The following ARID2 variants were observed in gnomAD, a reference collection of about 807,000 sequenced individuals.
The protein encoded by ARID2 is AT-rich interactive domain-containing protein 2.
A neutral mutation model predicts 184.6 loss-of-function variants in ARID2; 32 were observed. That is an observed-to-expected ratio of 0.17 (90% CI 0.13 to 0.23). The LOEUF is 0.23. Ranked by LOEUF, ARID2 falls within the 10% of genes least tolerant of loss-of-function variation. The probability of loss-of-function intolerance (pLI) is 1.00; values close to 1 mark genes in which losing one functional copy is unlikely to be tolerated. For synonymous variants in ARID2, 836 were observed against 772.6 expected (o/e 1.08, Z -1.36); for missense variants, 1,696 against 2,197.6 (o/e 0.77, Z 4.56).
intron 6 of ARID2, among the ~76,000 whole-genome samples, chr12:45,833,125 C>G (rs571182321): frequency 6.6e-6 from 1 of 152,262 alleles, no homozygotes; most frequent in Non-Finnish European, 1.5e-5. Context: ...TCTAGTTAAG[C>G]AAATCTTGTA....
intron 3 of ARID2, among the ~76,000 whole-genome samples, chr12:45,791,479 G>A (rs1942288559): frequency 1.3e-5 from 2 of 152,002 alleles, no homozygotes; most frequent in African/African-American, 4.8e-5. Context: ...TGTTTACAGT[G>A]TTACAACTGT....
Position 45,731,251 on chromosome 12 carries a change from A to C in ARID2, c.221A>C (p.Glu74Ala), listed in dbSNP as rs200127181. The C allele has an allele frequency of 1.2e-6, 2 of 1,614,020 alleles. No individual in the cohort carries two copies. The highest frequency in any genetic ancestry group is 2.7e-5 in the African/African-American group (2 of 75,030). Residue 74 changes from glutamate (E) to alanine (A), a missense_variant, in exon 3 of 21, where the codon GAA becomes GCA. By Grantham distance (107) the Glu-to-Ala change is moderately radical. Transcript: ENST00000334344. ...SEKNQWGEIV[E>A]EFNFPRSCSN... Reference sequence around the variant, plus strand: ...AAGAATCAGTGGGGAGAAATTGTTGAAGAGTTCAACTTTCCCAGAAGTTGT... The same window carrying C: ...AAGAATCAGTGGGGAGAAATTGTTGCAGAGTTCAACTTTCCCAGAAGTTGT...
chr12:45,741,395 GC>G (rs1271472967), intron 3 of ARID2, among the ~76,000 whole-genome samples: 1 of 152,060 alleles, frequency 6.6e-6, no homozygotes, highest in Non-Finnish European at 1.5e-5. Flanking sequence ...ATAGGGTTGT[GC>G]CATTTTGCTC....
At chr12:45,889,630 G>A (rs543641401) in intron 16 of ARID2, among the ~76,000 whole-genome samples, 11 of 152,214 alleles carry the variant, frequency 7.2e-5, no homozygotes, top group African/African-American at 1.4e-4. Context: ...AATATTACAC[G>A]TAAACTTTTA....
At chr12:45,841,927 T>C (rs1943348223) in intron 11 of ARID2, 1 of 152,162 alleles carries the variant, frequency 6.6e-6, no homozygotes, top group African/African-American at 2.4e-5. Flanking sequence ...TTTAAAGTTT[T>C]TCAATTCCTT....
intron 6 of ARID2, among the ~76,000 whole-genome samples, chr12:45,822,594 G>GT (rs1198509454): frequency 6.6e-6 from 1 of 151,990 alleles, no homozygotes; most frequent in Non-Finnish European, 1.5e-5. Context: ...ATAGCATGGT[G>GT]TTTTAGGGAA....
intron 3 of ARID2, among the ~76,000 whole-genome samples, chr12:45,800,970 A>G (rs1942486806): frequency 6.6e-6 from 1 of 152,120 alleles, no homozygotes; most frequent in Non-Finnish European, 1.5e-5. Flanking sequence ...AATAAACGAG[A>G]GAGGATGGAA....
intron 3 of ARID2, among the ~76,000 whole-genome samples, chr12:45,775,069 G>T (rs1314948471): frequency 6.6e-6 from 1 of 152,132 alleles, no homozygotes; most frequent in Non-Finnish European, 1.5e-5. Context: ...TATCCAGCCT[G>T]AAATGTTAAT....
intron 3 of ARID2, among the ~76,000 whole-genome samples, chr12:45,739,658 T>C (rs989564391): frequency 4.7e-4 from 72 of 152,030 alleles, no homozygotes; most frequent in African/African-American, 1.7e-3. Context: ...CAGTAGTCAA[T>C]TGCTGTGTGC....
At position 45,851,777 on chromosome 12, in the gene ARID2, A is replaced by G. The variant is rs2138173629; in HGVS notation, c.3654A>G (p.Pro1218=). The change falls in exon 15 of 21, where the codon CCA becomes CCG. Residue 1218 remains proline, a synonymous_variant. Coordinates refer to ENST00000334344, the MANE Select transcript of ARID2 (RefSeq NM_152641.4). ...TGVGLPVQTL[P]ATQASPAGQS... ...TTGGACTTCCAGTACAAACGCTTCC[A>G]GCCACTCAAGCATCTCCTGCTGGAC... The G allele has an allele frequency of 1.2e-6, 2 of 1,614,130 alleles. No homozygotes were observed. Among genetic ancestry groups the G allele is most frequent in the Non-Finnish European group, 1.7e-6 (2 of 1,180,006 alleles).
At position 45,906,035 on chromosome 12, in the gene ARID2, TAGA is replaced by T. The variant is rs1343539812; in HGVS notation, c.*962_*964del. On this transcript the variant is annotated 3_prime_UTR_variant, in exon 21 of 21. Transcript: ENST00000334344. ...GAATAATATATCTCATGTCATTTTTTAGAAGAAAAACTATTTGAAGGTATTTTT... is the reference window on the plus strand; with the variant it reads ...GAATAATATATCTCATGTCATTTTTTAGAAAAACTATTTGAAGGTATTTTT... The T allele has an allele frequency of 4.3e-6, 1 of 232,208 alleles. No individual in the cohort carries two copies. Among genetic ancestry groups the T allele is most frequent in the Non-Finnish European group, 8.5e-6 (1 of 117,548 alleles). The allele number at this position is 232,208 out of a possible 1,614,324, so 14.4% of individuals were successfully genotyped here. A position where few individuals can be genotyped will look rare whatever the true frequency, so the allele number is the denominator to read the frequency against.
chr12:45,841,942 T>C (rs1320909567), intron 11 of ARID2: 1 of 152,138 alleles, frequency 6.6e-6, no homozygotes, highest in East Asian at 1.9e-4. Flanking sequence ...TTCCTTGTTA[T>C]TCTTTAAAGC....
chr12:45,753,316 T>G (rs1217704410), intron 3 of ARID2, among the ~76,000 whole-genome samples: 1 of 151,708 alleles, frequency 6.6e-6, no homozygotes, highest in Non-Finnish European at 1.5e-5. Flanking sequence ...AAAAAGTGTT[T>G]CCCCCCTCAT....
intron 16 of ARID2, among the ~76,000 whole-genome samples, chr12:45,880,129 GA>G (rs1191406150): frequency 1.3e-5 from 2 of 152,034 alleles, no homozygotes; most frequent in Non-Finnish European, 2.9e-5. Context: ...AAAGACATTT[GA>G]AAAACACTTT....
intron 3 of ARID2, among the ~76,000 whole-genome samples, chr12:45,804,508 G>C (rs1333291107): frequency 6.6e-6 from 1 of 151,658 alleles, no homozygotes; most frequent in South Asian, 2.1e-4. Context: ...GTGTGTGTGT[G>C]TCTGTATGTA....
chr12:45,825,085 A>T (rs978597969), intron 6 of ARID2, among the ~76,000 whole-genome samples: 1 of 151,922 alleles, frequency 6.6e-6, no homozygotes, highest in South Asian at 2.1e-4. Flanking sequence ...ACCAGAGGCT[A>T]GGAAGGGTCA....
chr12:45,734,971 A>T (rs1386080071), intron 3 of ARID2, among the ~76,000 whole-genome samples: 2 of 152,216 alleles, frequency 1.3e-5, no homozygotes, highest in Admixed American at 1.3e-4. Flanking sequence ...AATTTATTGT[A>T]CAAAACTATA....
chr12:45,904,203 T>C (rs1944492768), intron 20 of ARID2: 5 of 547,488 alleles, frequency 9.1e-6, no homozygotes, highest in Middle Eastern at 2.8e-4. Flanking sequence ...TTAAGCTAGA[T>C]GTGGCTTGGT....
chr12:45,834,124 A>G (rs1324320643), intron 6 of ARID2, among the ~76,000 whole-genome samples: 1 of 152,166 alleles, frequency 6.6e-6, no homozygotes, highest in Non-Finnish European at 1.5e-5. Context: ...ACAGTCTTGC[A>G]TTACCTTTTT....
Sources: allele counts gnomAD v4.1 joint callset (sites outside exome capture counted in the v4.1 genomes callset), GRCh38; gene constraint gnomAD v4.1.1; transcripts MANE v1.5; gene names NCBI Gene and HGNC (gene_info 2026-07-23, HGNC 2026-07-21).